The following SNX25 variants were observed in gnomAD, a reference collection of about 807,000 sequenced individuals.
SNX25 encodes the protein sorting nexin 25.
In SNX25, 62 loss-of-function variants were observed where a neutral mutation model predicts 113.7. That is an observed-to-expected ratio of 0.55 (90% CI 0.44 to 0.67). The LOEUF is 0.67. Among genes scored for constraint, SNX25 ranks in the 30% least tolerant of loss-of-function variants. The probability of loss-of-function intolerance (pLI) is 0.00; values close to 1 mark genes in which losing one functional copy is unlikely to be tolerated. For synonymous variants in SNX25, 421 were observed against 436.2 expected (o/e 0.97, Z 0.43); for missense variants, 1,014 against 1,161.0 (o/e 0.87, Z 1.84).
intron 6 of SNX25, among the ~76,000 whole-genome samples, chr4:185,303,510 T>C (rs1217606131): frequency 6.6e-6 from 1 of 151,474 alleles, no homozygotes; most frequent in African/African-American, 2.4e-5. Context: ...ATACAAAAAA[T>C]TAGCCGGGCG....
chr4:185,365,579 C>T (rs1205752480), downstream of SNX25: 3 of 151,712 alleles, frequency 2.0e-5, no homozygotes, highest in Non-Finnish European at 2.9e-5. Context: ...TGGTCTCAAA[C>T]TCCTGACCTC....
At chr4:185,312,836 T>A (rs1560999929) in intron 7 of SNX25, among the ~76,000 whole-genome samples, 1 of 152,206 alleles carries the variant, frequency 6.6e-6, no homozygotes, top group South Asian at 2.1e-4. Context: ...TGATTTGTTC[T>A]TTTCAGACAT....
intron 7 of SNX25, among the ~76,000 whole-genome samples, chr4:185,314,938 A>C (rs1442747285): frequency 6.6e-6 from 1 of 150,878 alleles, no homozygotes; most frequent in Non-Finnish European, 1.5e-5. Flanking sequence ...AATAATCTAA[A>C]ACCTTCCCGG....
intron 1 of SNX25, among the ~76,000 whole-genome samples, chr4:185,216,021 T>A (rs1455702051): frequency 3.3e-5 from 5 of 152,090 alleles, no homozygotes; most frequent in Non-Finnish European, 7.4e-5. Flanking sequence ...GGTCTCAGAT[T>A]TCTGAGCTCA....
chr4:185,207,697 T>G (rs756281602), upstream of SNX25: 2 of 152,218 alleles, frequency 1.3e-5, no homozygotes, highest in Non-Finnish European at 2.9e-5. Context: ...CTAGTTCTGT[T>G]ATTGATTAGC....
intron 9 of SNX25, among the ~76,000 whole-genome samples, chr4:185,328,640 T>G (rs1436662337): frequency 6.6e-6 from 1 of 152,156 alleles, no homozygotes; most frequent in Non-Finnish European, 1.5e-5. Context: ...CAAGTTAAAT[T>G]AAAGGATTGG....
At chr4:185,304,582 C>A (rs1754186962) in intron 6 of SNX25, among the ~76,000 whole-genome samples, 1 of 152,120 alleles carries the variant, frequency 6.6e-6, no homozygotes, top group South Asian at 2.1e-4. Flanking sequence ...GTCTCCAACT[C>A]CCAGCCTCAT....
chr4:185,209,055 G>A (rs1737343140), upstream of SNX25, among the ~76,000 whole-genome samples: 1 of 152,204 alleles, frequency 6.6e-6, no homozygotes. The surrounding 1 kb of genome is among the most constrained non-coding windows in gnomAD (Gnocchi z 5.2). Flanking sequence ...ATGGGCAGCT[G>A]CGTGCACCCT....
At chr4:185,373,089 G>T, downstream of SNX25, 1 of 1,598,012 alleles carries the variant, frequency 6.3e-7, no homozygotes, top group Non-Finnish European at 8.6e-7. Context: ...CCTAAGAAAA[G>T]CACAGTTTCA....
intron 5 of SNX25, among the ~76,000 whole-genome samples, chr4:185,282,643 G>C (rs1440112740): frequency 6.6e-6 from 1 of 152,224 alleles, no homozygotes; most frequent in Non-Finnish European, 1.5e-5. Context: ...AGTTATCTTT[G>C]TGTGGCTTTT....
intron 6 of SNX25, among the ~76,000 whole-genome samples, chr4:185,299,423 G>C (rs1753313415): frequency 6.6e-6 from 1 of 152,166 alleles, no homozygotes; most frequent in South Asian, 2.1e-4. Flanking sequence ...CCTCACTGGA[G>C]AGCTTGTTAA....
intron 1 of SNX25, among the ~76,000 whole-genome samples, chr4:185,220,177 A>T: frequency 6.6e-6 from 1 of 152,160 alleles, no homozygotes; most frequent in South Asian, 2.1e-4. Flanking sequence ...CAACTGCTTA[A>T]CTTGACATTT....
At chr4:185,323,475 A>T in intron 8 of SNX25, 53 bp from the exon 9 acceptor site, 1 of 1,505,060 alleles carries the variant, frequency 6.6e-7, no homozygotes, top group Non-Finnish European at 9.0e-7. Context: ...GAGAAAAATA[A>T]TTTCTCTCAG....
intron 5 of SNX25, among the ~76,000 whole-genome samples, chr4:185,277,361 T>G (rs149284599): frequency 1.3e-5 from 2 of 152,208 alleles, no homozygotes; most frequent in East Asian, 3.9e-4. Context: ...TGGTGCTAAG[T>G]CCCTACTGAA....
intron 1 of SNX25, among the ~76,000 whole-genome samples, chr4:185,214,994 G>A (rs768950984): frequency 4.4e-4 from 67 of 152,202 alleles, no homozygotes; most frequent in Admixed American, 9.8e-4. Context: ...ACTTTGGGAG[G>A]CTGAGGCGGG....
intron 1 of SNX25, among the ~76,000 whole-genome samples, chr4:185,223,176 C>T (rs1220471560): frequency 2.6e-5 from 4 of 152,130 alleles, no homozygotes; most frequent in African/African-American, 4.8e-5. Context: ...TTAGCAACCT[C>T]ATCTTGACTT....
intron 7 of SNX25, among the ~76,000 whole-genome samples, chr4:185,318,062 C>T (rs2095089633): frequency 7.9e-5 from 12 of 152,044 alleles, no homozygotes; most frequent in Admixed American, 7.9e-4. Context: ...AAAGAAAATG[C>T]CTGCCCCCTT....
At chr4:185,286,933 T>C (rs1248981880) in intron 5 of SNX25, among the ~76,000 whole-genome samples, 2 of 152,230 alleles carry the variant, frequency 1.3e-5, no homozygotes, top group Non-Finnish European at 2.9e-5. Flanking sequence ...AAAGAATGTA[T>C]GTAATTGTGT....
chr4:185,210,335 G>A lies in SNX25; in HGVS notation c.429+80G>A, dbSNP rs2111462431. The A allele has an allele frequency of 1.0e-6, 1 of 983,220 alleles. No individual in the cohort carries two copies. Among genetic ancestry groups the A allele is most frequent in the South Asian group, 4.7e-5 (1 of 21,216 alleles). The allele number at this position is 983,220 out of a possible 1,614,324, so 60.9% of individuals were successfully genotyped here. The stretch of plus-strand genomic sequence containing the variant: ...CCAGCTCCCGCGCCCCGAGCTCCGG[G>A]GGGCCGCGGCATGCCCTTGTCGAAG... On this transcript the variant is annotated intron_variant, in intron 1 of 18. Transcript: ENST00000652585. The surrounding 1 kb of genome is among the most constrained non-coding windows in gnomAD (Gnocchi z 4.4).
Sources: gnomAD v4.1 joint callset for allele counts (sites outside exome capture counted in the v4.1 genomes callset) on GRCh38, gnomAD v4.1.1 for gene constraint, Gnocchi (gnomAD v3.1) non-coding constraint, MANE v1.5 for transcripts, NCBI Gene and HGNC (gene_info 2026-07-23, HGNC 2026-07-21) for gene names.